The following TCF20 variants were observed in gnomAD, a reference collection of about 807,000 sequenced individuals.
The protein encoded by TCF20 is transcription factor 20.
A neutral mutation model predicts 148.6 loss-of-function variants in TCF20; 3 were observed. The observed-to-expected ratio is 0.02, with a 90% CI of 0.01 to 0.05. TCF20 has a LOEUF of 0.05. Among genes scored for constraint, TCF20 ranks in the 10% least tolerant of loss-of-function variants. The probability of loss-of-function intolerance (pLI) is 1.00; values close to 1 mark genes in which losing one functional copy is unlikely to be tolerated. For synonymous variants in TCF20, 1,049 were observed against 909.5 expected (o/e 1.15, Z -2.76); for missense variants, 2,350 against 2,429.3 (o/e 0.97, Z 0.69).
chr22:42,251,216 A>T (rs766071905), intron 1 of TCF20, among the ~76,000 whole-genome samples: 11 of 152,118 alleles, frequency 7.2e-5, no homozygotes, highest in Non-Finnish European at 1.5e-4. Flanking sequence ...TTGTTTATTG[A>T]AGACAAAGTC....
At chr22:42,162,000 T>TTTTTA (rs1935495506) in intron 5 of TCF20, among the ~76,000 whole-genome samples, 3 of 136,072 alleles carry the variant, frequency 2.2e-5, no homozygotes, top group Non-Finnish European at 3.1e-5. Context: ...TTTTTTTTTT[T>TTTTTA]GAGACAGTCT....
intron 1 of TCF20, among the ~76,000 whole-genome samples, chr22:42,306,173 C>T (rs4822106): frequency 0.65 from 98,321 of 151,852 alleles, 32,277 homozygotes; most frequent in African/African-American, 0.75. Context: ...GAGACGGAGC[C>T]GCTGTGCGCG....
chr22:42,181,200 T>C (rs1401824145), intron 2 of TCF20, among the ~76,000 whole-genome samples: 1 of 152,114 alleles, frequency 6.6e-6, no homozygotes, highest in African/African-American at 2.4e-5. Context: ...CTTTCTTTTT[T>C]TGAGATGGAG....
chr22:42,342,373 C>T (rs1023359233), intron 1 of TCF20, among the ~76,000 whole-genome samples: 1 of 152,068 alleles, frequency 6.6e-6, no homozygotes, highest in South Asian at 2.1e-4. Context: ...GGAAGTGATG[C>T]CACAGTCCTG....
chr22:42,288,366 T>A (rs1018596320), upstream of TCF20, among the ~76,000 whole-genome samples: 1 of 151,632 alleles, frequency 6.6e-6, no homozygotes, highest in African/African-American at 2.4e-5. Context: ...TGAAACCCTG[T>A]CTCAACTAAA....
chr22:42,310,070 G>C (rs207478003), intron 1 of TCF20, among the ~76,000 whole-genome samples: 1 of 152,236 alleles, frequency 6.6e-6, no homozygotes, highest in Non-Finnish European at 1.5e-5. Context: ...TCCCAGAAAA[G>C]GTGGACTTTG....
chr22:42,311,458 C>T (rs1927535597), intron 1 of TCF20, among the ~76,000 whole-genome samples: 1 of 152,244 alleles, frequency 6.6e-6, no homozygotes, highest in Non-Finnish European at 1.5e-5. Flanking sequence ...TAGAAGTGAT[C>T]ACCTTTCCTA....
chr22:42,269,322 G>A (rs150133986), intron 1 of TCF20, among the ~76,000 whole-genome samples: 132 of 152,236 alleles, frequency 8.7e-4, no homozygotes, highest in African/African-American at 3.1e-3. Context: ...AAAGGAAAAG[G>A]GGGAAATCCT....
At chr22:42,184,645 C>T (rs1475020996) in intron 2 of TCF20, among the ~76,000 whole-genome samples, 1 of 152,130 alleles carries the variant, frequency 6.6e-6, no homozygotes, top group Non-Finnish European at 1.5e-5. Flanking sequence ...TAAGTCCATA[C>T]AATACTGCTC....
chr22:42,331,499 C>G (rs1192264393), intron 1 of TCF20, among the ~76,000 whole-genome samples: 2 of 152,262 alleles, frequency 1.3e-5, no homozygotes, highest in African/African-American at 4.8e-5. Flanking sequence ...ACCAGGGACC[C>G]CCATCACCAG....
intron 1 of TCF20, among the ~76,000 whole-genome samples, chr22:42,226,686 G>A (rs1188003910): frequency 6.6e-6 from 1 of 152,180 alleles, no homozygotes; most frequent in East Asian, 1.9e-4. Flanking sequence ...TCCAGCGTGG[G>A]TGACAGAGTG....
chr22:42,343,032 C>T (rs942844338), intron 1 of TCF20, among the ~76,000 whole-genome samples: 1 of 152,214 alleles, frequency 6.6e-6, no homozygotes, highest in Non-Finnish European at 1.5e-5. Flanking sequence ...CTTACAGTGG[C>T]TGCATTATGG....
chr22:42,287,875 G>A (rs1465781561), upstream of TCF20, among the ~76,000 whole-genome samples: 1 of 151,802 alleles, frequency 6.6e-6, no homozygotes, highest in African/African-American at 2.4e-5. Context: ...CAAAAAAAAA[G>A]AAAAGAAAAG....
chr22:42,234,304 T>C (rs1302337918), intron 1 of TCF20, among the ~76,000 whole-genome samples: 1 of 152,210 alleles, frequency 6.6e-6, no homozygotes, highest in African/African-American at 2.4e-5. Flanking sequence ...GACTTGATTT[T>C]ACTGGACGTA....
At chr22:42,282,726 G>A (rs1601691866) in intron 1 of TCF20, among the ~76,000 whole-genome samples, 1 of 152,318 alleles carries the variant, frequency 6.6e-6, no homozygotes, top group East Asian at 1.9e-4. Context: ...ACAGCGCCTG[G>A]GGGTTGGGAG....
intron 3 of TCF20, among the ~76,000 whole-genome samples, chr22:42,172,316 A>G (rs1051487035): frequency 6.6e-6 from 1 of 152,238 alleles, no homozygotes; most frequent in Non-Finnish European, 1.5e-5. Flanking sequence ...AAGAGTGAAG[A>G]GCAGTAGGTG....
intron 1 of TCF20, among the ~76,000 whole-genome samples, chr22:42,337,675 T>C (rs1217675369): frequency 3.9e-5 from 6 of 152,336 alleles, no homozygotes; most frequent in Middle Eastern, 3.4e-3. Flanking sequence ...CAACTCAAAA[T>C]AGCTTGAGCA....
intron 1 of TCF20, among the ~76,000 whole-genome samples, chr22:42,266,864 C>G (rs1274729717): frequency 1.3e-5 from 2 of 152,238 alleles, no homozygotes; most frequent in African/African-American, 4.8e-5. Flanking sequence ...CTTTGGCAAC[C>G]TCTCACGTGA....
chr22:42,263,293 G>T (rs1926119379), intron 1 of TCF20, among the ~76,000 whole-genome samples: 1 of 152,076 alleles, frequency 6.6e-6, no homozygotes, highest in South Asian at 2.1e-4. Context: ...TCAGGTAATT[G>T]GTCTCCCACA....
Sources: allele counts gnomAD v4.1 joint callset (sites outside exome capture counted in the v4.1 genomes callset), GRCh38; gene constraint gnomAD v4.1.1; transcripts MANE v1.5; gene names NCBI Gene and HGNC (gene_info 2026-07-23, HGNC 2026-07-21).